The following PALD1 variants were observed in gnomAD, a reference collection of about 807,000 sequenced individuals.
PALD1 encodes the protein paladin.
In PALD1, 57 loss-of-function variants were observed where a neutral mutation model predicts 96.0. The observed-to-expected ratio is 0.59, with a 90% CI of 0.48 to 0.74. The LOEUF (loss-of-function observed/expected upper bound fraction) is 0.74. PALD1 is among the 30% of genes least tolerant of loss of function. The pLI is 0.00. For synonymous variants in PALD1, 464 were observed against 473.6 expected (o/e 0.98, Z 0.26); for missense variants, 1,063 against 1,143.7 (o/e 0.93, Z 1.02).
At chr10:70,520,563 A>G (rs1477903907) in intron 1 of PALD1, among the ~76,000 whole-genome samples, 2 of 152,146 alleles carry the variant, frequency 1.3e-5, no homozygotes, top group Admixed American at 1.3e-4. Context: ...TTGGAGCATC[A>G]GGCAGCTAGT....
At chr10:70,523,199 GC>G (rs1846773191) in intron 1 of PALD1, among the ~76,000 whole-genome samples, 1 of 152,212 alleles carries the variant, frequency 6.6e-6, no homozygotes, top group South Asian at 2.1e-4. Flanking sequence ...TGCCTCTGGA[GC>G]CCATGAGAGG....
At chr10:70,491,788 C>T (rs990444501) in intron 1 of PALD1, among the ~76,000 whole-genome samples, 1 of 152,320 alleles carries the variant, frequency 6.6e-6, no homozygotes, top group Admixed American at 6.5e-5. Context: ...CATGGATCTG[C>T]ATTCTGTCTC....
chr10:70,551,110 C>T (rs1847469130), intron 18 of PALD1, among the ~76,000 whole-genome samples: 2 of 152,230 alleles, frequency 1.3e-5, no homozygotes, highest in Non-Finnish European at 2.9e-5. Flanking sequence ...CGCTCCTCCC[C>T]AGACCATGTT....
intron 1 of PALD1, among the ~76,000 whole-genome samples, chr10:70,488,357 G>A (rs992805239): frequency 2.0e-5 from 3 of 152,162 alleles, no homozygotes; most frequent in Non-Finnish European, 4.4e-5. Context: ...CTGGACTGAA[G>A]TGATCTGCCT....
At chr10:70,545,095 G>A (rs1847334386) in intron 17 of PALD1, among the ~76,000 whole-genome samples, 1 of 152,116 alleles carries the variant, frequency 6.6e-6, no homozygotes, top group Non-Finnish European at 1.5e-5. Flanking sequence ...CCCTCACTTA[G>A]TGGGGAGCAG....
upstream of PALD1, among the ~76,000 whole-genome samples, chr10:70,477,882 C>T (rs1239645619): frequency 1.4e-5 from 2 of 146,940 alleles, no homozygotes; most frequent in African/African-American, 2.5e-5. Context: ...AGTGACTCAC[C>T]AACCACAACA....
chr10:70,486,477 C>T (rs556874763), intron 1 of PALD1, among the ~76,000 whole-genome samples: 16 of 152,052 alleles, frequency 1.1e-4, no homozygotes, highest in African/African-American at 3.4e-4. Context: ...ACTTCATTAG[C>T]CAGTTGGGCA....
upstream of PALD1, among the ~76,000 whole-genome samples, chr10:70,475,698 G>C (rs996890034): frequency 6.6e-6 from 1 of 152,196 alleles, no homozygotes; most frequent in Non-Finnish European, 1.5e-5. Context: ...TGGCTTGAGT[G>C]TTCCCTGGAG....
chr10:70,552,598 G>A (rs1847504045), intron 18 of PALD1, among the ~76,000 whole-genome samples: 2 of 150,140 alleles, frequency 1.3e-5, no homozygotes, highest in African/African-American at 2.5e-5. Flanking sequence ...CAAGCCCTCC[G>A]AGCTCTCACT....
intron 18 of PALD1, among the ~76,000 whole-genome samples, chr10:70,555,514 G>A (rs970060865): frequency 2.6e-5 from 4 of 152,230 alleles, no homozygotes; most frequent in African/African-American, 7.2e-5. Context: ...GAAGGGAAGC[G>A]TTGGCAGGGA....
the PALD1 span, among the ~76,000 whole-genome samples, chr10:70,470,766 G>A: frequency 2.0e-5 from 3 of 148,792 alleles, no homozygotes; most frequent in East Asian, 2.0e-4. Flanking sequence ...GCACCACCAC[G>A]CCCAGGAAAT....
intron 18 of PALD1, among the ~76,000 whole-genome samples, chr10:70,564,122 T>C (rs1847792634): frequency 6.6e-6 from 1 of 152,128 alleles, no homozygotes; most frequent in Non-Finnish European, 1.5e-5. Flanking sequence ...TATGATTCCA[T>C]GGCGAGGAGA....
intron 1 of PALD1, among the ~76,000 whole-genome samples, chr10:70,510,753 G>A (rs992790258): frequency 6.6e-6 from 1 of 152,220 alleles, no homozygotes; most frequent in African/African-American, 2.4e-5. Context: ...GAGGCTTGTG[G>A]TCTTTCTCTG....
At chr10:70,499,526 A>G (rs1309477437) in intron 1 of PALD1, among the ~76,000 whole-genome samples, 1 of 152,206 alleles carries the variant, frequency 6.6e-6, no homozygotes, top group Non-Finnish European at 1.5e-5. Context: ...TCTTGGCAGG[A>G]CTTTCCCTGA....
chr10:70,530,371 C>G (rs919395034), intron 4 of PALD1, among the ~76,000 whole-genome samples: 1 of 152,192 alleles, frequency 6.6e-6, no homozygotes, highest in African/African-American at 2.4e-5. Flanking sequence ...GGAGCCAGCT[C>G]ATAATTTGAC....
intron 17 of PALD1, among the ~76,000 whole-genome samples, chr10:70,541,774 G>A (rs896532931): frequency 6.6e-5 from 10 of 152,108 alleles, no homozygotes; most frequent in Admixed American, 1.3e-4. Flanking sequence ...CTCCCTGCCC[G>A]GCCTTGCTGT....
At position 70,517,474 on chromosome 10, in the gene PALD1, C is replaced by T. The variant is rs369428377; in HGVS notation, c.-29-8449C>T. ...CTCCTGCCTCAGCCTCCTGAGAAGC[C>T]GGGACTACAGGCATGTGCCAGTACG... On this transcript the variant is annotated intron_variant, in intron 1 of 19. Transcript: ENST00000263563. Among the ~76,000 whole-genome samples the T allele has an allele frequency of 1.3e-4, 19 of 151,862 alleles. 1 individual carries two copies. The highest frequency in any genetic ancestry group is 5.8e-4 in the East Asian group (3 of 5,146).
intron 17 of PALD1, among the ~76,000 whole-genome samples, chr10:70,544,873 C>A (rs190159309): frequency 1.8e-4 from 28 of 152,336 alleles, no homozygotes; most frequent in African/African-American, 6.3e-4. Context: ...TCCTTTTTCT[C>A]CTCCCACTTG....
chr10:70,526,718 G>T, intron 2 of PALD1, among the ~76,000 whole-genome samples: 1 of 152,286 alleles, frequency 6.6e-6, no homozygotes, highest in Admixed American at 6.5e-5. Flanking sequence ...TTGGAGGAAG[G>T]GGTGGGTGCT....
Sources: gnomAD v4.1 joint callset for allele counts (sites outside exome capture counted in the v4.1 genomes callset) on GRCh38, gnomAD v4.1.1 for gene constraint, MANE v1.5 for transcripts, NCBI Gene and HGNC (gene_info 2026-07-23, HGNC 2026-07-21) for gene names.